The following EPB41 variants were observed in gnomAD, a reference collection of about 807,000 sequenced individuals.
EPB41 encodes protein 4.1.
EPB41 carries 65 observed loss-of-function variants against 108.0 expected under a neutral mutation model. The observed-to-expected ratio is 0.60, with a 90% CI of 0.49 to 0.74. The LOEUF (loss-of-function observed/expected upper bound fraction) is 0.74, where lower values mean the gene tolerates loss of function less well. Ranked by LOEUF, EPB41 falls within the 30% of genes least tolerant of loss-of-function variation. The probability of loss-of-function intolerance (pLI) is 0.00; values close to 1 mark genes in which losing one functional copy is unlikely to be tolerated. For missense variants in EPB41, 875 were observed against 1,037.0 expected (o/e 0.84, Z 2.15); for synonymous variants, 336 against 358.9 (o/e 0.94, Z 0.72).
Position 29,114,607 on chromosome 1 carries a change from C to T in EPB41, c.2497-1092C>T, listed in dbSNP as rs1345716051. 3.5e-5 allele frequency among the ~76,000 whole-genome samples: 5 copies of T among 141,800 alleles called. No individual in the cohort carries two copies. In the East Asian group the frequency reaches 1.0e-3, roughly 29 times the overall value. 93.0% of individuals were successfully genotyped at this position (141,800 alleles called of 152,430 possible). On this transcript the variant is annotated intron_variant, in intron 19 of 20. Coordinates refer to ENST00000343067, the MANE Select transcript of EPB41 (RefSeq NM_001376013.1). Reference sequence around the variant, plus strand: ...TCAGTGAGCCAAGATCACACCACTGCACTCCAGCCTGGGCAGTGAGACTCC... The same window carrying T: ...TCAGTGAGCCAAGATCACACCACTGTACTCCAGCCTGGGCAGTGAGACTCC...
intron 1 of EPB41, among the ~76,000 whole-genome samples, chr1:28,956,251 A>G (rs1435620803): frequency 6.6e-6 from 1 of 152,252 alleles, no homozygotes; most frequent in African/African-American, 2.4e-5. Context: ...GTTCTTTATT[A>G]GAAAAGTATA....
At chr1:28,958,185 C>A (rs1159122991) in intron 1 of EPB41, among the ~76,000 whole-genome samples, 2 of 152,208 alleles carry the variant, frequency 1.3e-5, no homozygotes, top group East Asian at 3.9e-4. Flanking sequence ...TTTTAATGTT[C>A]TCTATATTTA....
At chr1:29,069,276 C>T in intron 16 of EPB41, 1 of 1,231,566 alleles carries the variant, frequency 8.1e-7, no homozygotes, top group Non-Finnish European at 1.0e-6. Context: ...AACTTAGAGC[C>T]AAGTTTTTCC....
At chr1:28,991,337 C>A (rs1430046451) in intron 2 of EPB41, among the ~76,000 whole-genome samples, 3 of 151,792 alleles carry the variant, frequency 2.0e-5, no homozygotes, top group Non-Finnish European at 4.4e-5. Context: ...TGAAAACCTA[C>A]CATGTGTGCC....
At chr1:28,959,459 C>A (rs2095109435) in intron 1 of EPB41, among the ~76,000 whole-genome samples, 1 of 151,980 alleles carries the variant, frequency 6.6e-6, no homozygotes, top group Non-Finnish European at 1.5e-5. Flanking sequence ...TCAAGTAGTC[C>A]ACCCGCCTCG....
At chr1:29,024,050 T>C (rs2096682208) in intron 7 of EPB41, among the ~76,000 whole-genome samples, 1 of 151,912 alleles carries the variant, frequency 6.6e-6, no homozygotes, top group Non-Finnish European at 1.5e-5. Context: ...ATAATAATAA[T>C]TCTTGGCTGG....
intron 12 of EPB41, among the ~76,000 whole-genome samples, chr1:29,055,187 A>T (rs1645156457): frequency 6.6e-6 from 1 of 152,256 alleles, no homozygotes; most frequent in Admixed American, 6.5e-5. Flanking sequence ...GACATTGGTC[A>T]TCAGGTTCAC....
rs147956003 is a variant in EPB41, at chr1:29,116,443, C to T, written c.*7-376C>T. On this transcript the variant is annotated intron_variant, in intron 20 of 20. Coordinates refer to ENST00000343067, the MANE Select transcript of EPB41 (RefSeq NM_001376013.1). ...GGCTGGGATTACAGGCATGAGCCAC[C>T]GCGCCTGGCCAGTCACAGGTATCTT... Among the ~76,000 whole-genome samples the T allele has an allele frequency of 4.5e-3, 683 of 152,076 alleles. 4 individuals are homozygous for T. The highest frequency in any genetic ancestry group is 0.016 in the African/African-American group (644 of 41,502).
chr1:28,993,291 T>G, intron 2 of EPB41, 39 bp from the exon 3 acceptor site: 1 of 1,528,590 alleles, frequency 6.5e-7, no homozygotes, highest in South Asian at 1.1e-5. Flanking sequence ...TTTTGTGAAA[T>G]GTGTTTATTA....
At chr1:28,969,689 C>T (rs1480448426) in intron 1 of EPB41, among the ~76,000 whole-genome samples, 1 of 151,540 alleles carries the variant, frequency 6.6e-6, no homozygotes, top group Non-Finnish European at 1.5e-5. Context: ...CACGAGGTCA[C>T]AAGATTGAGA....
At chr1:28,951,762 G>A (rs1361479097) in intron 1 of EPB41, among the ~76,000 whole-genome samples, 2 of 152,154 alleles carry the variant, frequency 1.3e-5, no homozygotes, top group Non-Finnish European at 2.9e-5. Flanking sequence ...GCTGAGATGG[G>A]AGGATCACTT....
intron 1 of EPB41, among the ~76,000 whole-genome samples, chr1:28,962,244 A>G (rs1468595864): frequency 6.6e-6 from 1 of 152,030 alleles, no homozygotes; most frequent in Non-Finnish European, 1.5e-5. Flanking sequence ...TACTTTTAGT[A>G]GAGACGGGGT....
chr1:28,909,452 A>AGTGAGACCCTATATCTTG (rs1553160565), intron 1 of EPB41, among the ~76,000 whole-genome samples: 1 of 151,920 alleles, frequency 6.6e-6, no homozygotes, highest in African/African-American at 2.4e-5. Flanking sequence ...TGGGCAACAG[A>AGTGAGACCCTATATCTTG]GTGAGACCCT....
chr1:29,027,253 GC>G, intron 7 of EPB41, among the ~76,000 whole-genome samples: 1 of 151,986 alleles, frequency 6.6e-6, no homozygotes, highest in Non-Finnish European at 1.5e-5. Flanking sequence ...ACCTGCCTCA[GC>G]CTCCCAAGTA....
At chr1:29,089,176 C>A (rs1660325890) in intron 16 of EPB41, among the ~76,000 whole-genome samples, 1 of 152,158 alleles carries the variant, frequency 6.6e-6, no homozygotes, top group African/African-American at 2.4e-5. Flanking sequence ...CAGCACCTGG[C>A]ACATGGTAAA....
At chr1:29,058,893 C>T (rs1269721081) in intron 14 of EPB41, 41 bp downstream of exon 14, 2 of 1,498,998 alleles carry the variant, frequency 1.3e-6, no homozygotes, top group Non-Finnish European at 1.8e-6. Flanking sequence ...ATTGCCATTT[C>T]ACCCATGCTG....
At chr1:28,990,963 C>T (rs1402522363) in intron 2 of EPB41, among the ~76,000 whole-genome samples, 3 of 151,818 alleles carry the variant, frequency 2.0e-5, no homozygotes, top group African/African-American at 2.4e-5. Flanking sequence ...GAAAAAGAAA[C>T]GATATTGTTA....
chr1:28,989,974 C>T (rs1426337562), intron 2 of EPB41, among the ~76,000 whole-genome samples: 1 of 151,930 alleles, frequency 6.6e-6, no homozygotes, highest in African/African-American at 2.4e-5. Context: ...ATTACATTAT[C>T]GGCCGGGCGC....
chr1:28,923,088 C>G (rs1260097853), intron 1 of EPB41, among the ~76,000 whole-genome samples: 1 of 148,846 alleles, frequency 6.7e-6, no homozygotes, highest in Admixed American at 6.8e-5. Flanking sequence ...CCTTTTTCTT[C>G]CTTCTTTCCT....
Sources: gnomAD v4.1 joint callset for allele counts (sites outside exome capture counted in the v4.1 genomes callset) on GRCh38, gnomAD v4.1.1 for gene constraint, MANE v1.5 for transcripts, NCBI Gene and HGNC (gene_info 2026-07-23, HGNC 2026-07-21) for gene names.